Variants in KCNH7 observed in about 807,000 individuals in gnomAD.
KCNH7 encodes the protein voltage-gated inwardly rectifying potassium channel KCNH7.
In KCNH7, 49 loss-of-function variants were observed where a neutral mutation model predicts 120.8. The ratio of observed to expected loss-of-function variants is 0.41; its 90% CI spans 0.32 to 0.51. The LOEUF is 0.51. KCNH7 is among the 20% of genes least tolerant of loss of function. KCNH7 has a pLI of 0.38. For synonymous variants in KCNH7, 547 were observed against 516.1 expected, an observed-to-expected ratio of 1.06 and a Z score of -0.81; for missense variants, 1,097 against 1,446.6, an observed-to-expected ratio of 0.76 and a Z score of 3.92.
chr2:162,385,011 A>G, intron 12 of KCNH7, 72 bp from the exon 13 acceptor site: 2 of 1,192,082 alleles, frequency 1.7e-6, no homozygotes, highest in South Asian at 2.9e-5. Context: ...TGCATATTAC[A>G]CTACCTAGCT....
At chr2:162,651,069 G>A (rs16847080) in intron 2 of KCNH7, among the ~76,000 whole-genome samples, 17,223 of 152,072 alleles carry the variant, frequency 0.11, 2,596 homozygotes, top group African/African-American at 0.34. Flanking sequence ...ACTTATGAAG[G>A]ACTAACACTG....
chr2:162,668,888 AAAG>A (rs1235086134), intron 2 of KCNH7, among the ~76,000 whole-genome samples: 1 of 152,214 alleles, frequency 6.6e-6, no homozygotes, highest in Non-Finnish European at 1.5e-5. Context: ...CAAATTTGGA[AAAG>A]AACAGTCTTA....
At chr2:162,586,701 ATGT>A (rs1323358474) in intron 2 of KCNH7, among the ~76,000 whole-genome samples, 1 of 151,334 alleles carries the variant, frequency 6.6e-6, no homozygotes, top group African/African-American at 2.4e-5. Context: ...TAGAAATACA[ATGT>A]TGAATTTAGA....
At chr2:162,616,230 A>G (rs1328421584) in intron 2 of KCNH7, among the ~76,000 whole-genome samples, 1 of 152,204 alleles carries the variant, frequency 6.6e-6, no homozygotes, top group Non-Finnish European at 1.5e-5. Flanking sequence ...ATTCATATGT[A>G]TTAAATAAAC....
intron 2 of KCNH7, among the ~76,000 whole-genome samples, chr2:162,609,202 C>T (rs113392297): frequency 4.6e-5 from 7 of 152,184 alleles, no homozygotes; most frequent in African/African-American, 1.7e-4. Flanking sequence ...CCCCATGTGT[C>T]CCTTTGTAAT....
At chr2:162,533,688 C>A (rs1319773870) in intron 3 of KCNH7, among the ~76,000 whole-genome samples, 1 of 151,342 alleles carries the variant, frequency 6.6e-6, no homozygotes, top group African/African-American at 2.4e-5. Flanking sequence ...ACAGAAATTG[C>A]AAGAGAGAGA....
At chr2:162,782,526 T>G (rs893447289) in intron 2 of KCNH7, among the ~76,000 whole-genome samples, 1 of 152,082 alleles carries the variant, frequency 6.6e-6, no homozygotes, top group African/African-American at 2.4e-5. Flanking sequence ...TGGCTGGAGC[T>G]GAGGGAAGGA....
chr2:162,569,255 T>C, intron 2 of KCNH7, among the ~76,000 whole-genome samples: 1 of 152,004 alleles, frequency 6.6e-6, no homozygotes. Context: ...GGTTTAGTCT[T>C]GGGAGAGTGT....
Position 162,394,304 on chromosome 2 carries a change from G to C in KCNH7, c.2710+85C>G, listed in dbSNP as rs183088822. 5.9e-4 allele frequency: 480 copies of C among 812,360 alleles called. 3 individuals carry two copies. The African/African-American group carries it at 6.4e-3, about 11-fold the overall frequency. 50.3% of individuals were successfully genotyped at this position (812,360 alleles called of 1,614,324 possible). On this transcript the variant is annotated intron_variant, in intron 12 of 15. Transcript: ENST00000332142. ...TAAAGCCTGAGTAAAATATACTCTTGAAGTCAGAAGTAAAATGAACATTTA... is the reference window on the plus strand; with the variant it reads ...TAAAGCCTGAGTAAAATATACTCTTCAAGTCAGAAGTAAAATGAACATTTA...
intron 7 of KCNH7, among the ~76,000 whole-genome samples, chr2:162,437,401 T>G (rs1290913672): frequency 1.3e-5 from 2 of 152,168 alleles, no homozygotes; most frequent in African/African-American, 4.8e-5. Flanking sequence ...TTCTTCTTTA[T>G]AGGTTTAAAA....
At chr2:162,558,666 C>T (rs1413841139) in intron 2 of KCNH7, among the ~76,000 whole-genome samples, 1 of 151,888 alleles carries the variant, frequency 6.6e-6, no homozygotes, top group East Asian at 1.9e-4. Context: ...AATAATGGTG[C>T]TCACCATGTT....
chr2:162,373,695 C>A, intron 14 of KCNH7, 33 bp from the exon 15 acceptor site: 1 of 1,363,860 alleles, frequency 7.3e-7, no homozygotes, highest in Non-Finnish European at 9.6e-7. Flanking sequence ...AAAAGACAGT[C>A]TAAAATAGTC....
intron 2 of KCNH7, among the ~76,000 whole-genome samples, chr2:162,554,082 G>T (rs983383139): frequency 1.7e-4 from 26 of 152,246 alleles, no homozygotes; most frequent in African/African-American, 6.0e-4. Flanking sequence ...TGTTTACAGG[G>T]AACAAAGAAA....
intron 6 of KCNH7, among the ~76,000 whole-genome samples, chr2:162,446,704 T>A (rs2105557815): frequency 6.6e-6 from 1 of 152,242 alleles, no homozygotes; most frequent in South Asian, 2.1e-4. Context: ...GCCACTGAGA[T>A]ACTGAGGAAT....
intron 2 of KCNH7, among the ~76,000 whole-genome samples, chr2:162,720,073 G>A (rs78382424): frequency 0.037 from 5,679 of 151,944 alleles, 339 homozygotes; most frequent in African/African-American, 0.13. Flanking sequence ...GGAAGTCCAC[G>A]AATCAAGTAT....
intron 2 of KCNH7, among the ~76,000 whole-genome samples, chr2:162,589,340 T>C (rs1694126432): frequency 6.6e-6 from 1 of 152,050 alleles, no homozygotes; most frequent in African/African-American, 2.4e-5. Flanking sequence ...GGCAGAGAAA[T>C]GAACATTCTT....
chr2:162,399,266 C>G (rs1170531969), intron 10 of KCNH7, among the ~76,000 whole-genome samples: 1 of 151,730 alleles, frequency 6.6e-6, no homozygotes, highest in East Asian at 1.9e-4. Flanking sequence ...TTCTCTGTTT[C>G]CTTGCTCTTC....
At chr2:162,820,207 TTTTGTG>T (rs1685065154) in intron 2 of KCNH7, among the ~76,000 whole-genome samples, 1 of 24,514 alleles carries the variant, frequency 4.1e-5, no homozygotes, top group Non-Finnish European at 1.1e-4. Context: ...GCCCGGCTAA[TTTTGTG>T]TGTGTGTGTG....
chr2:162,569,386 C>G (rs1693381336), intron 2 of KCNH7, among the ~76,000 whole-genome samples: 1 of 150,920 alleles, frequency 6.6e-6, no homozygotes, highest in Non-Finnish European at 1.5e-5. Flanking sequence ...TCCTCTTTAT[C>G]ATTTTTTATT....
Sources: gnomAD v4.1 joint callset for allele counts (sites outside exome capture counted in the v4.1 genomes callset) on GRCh38, gnomAD v4.1.1 for gene constraint, MANE v1.5 for transcripts, NCBI Gene and HGNC (gene_info 2026-07-23, HGNC 2026-07-21) for gene names.